The following ZNF142 variants were observed in gnomAD, a reference collection of about 807,000 sequenced individuals.
The protein encoded by ZNF142 is zinc finger protein 142 (clone pHZ-49).
ZNF142 carries 96 observed loss-of-function variants against 132.1 expected under a neutral mutation model. That is an observed-to-expected ratio of 0.73 (90% CI 0.62 to 0.86). The LOEUF is 0.86. ZNF142 is among the 40% of genes least tolerant of loss of function. The pLI, the probability that ZNF142 is intolerant of heterozygous loss-of-function variation, is 0.00. For missense variants in ZNF142, 2,163 were observed against 2,336.2 expected (o/e 0.93, Z 1.53); for synonymous variants, 842 against 890.1 (o/e 0.95, Z 0.96).
intron 8 of ZNF142, 79 bp downstream of exon 8, chr2:218,646,092 G>A: frequency 6.5e-7 from 1 of 1,549,114 alleles, no homozygotes; most frequent in Non-Finnish European, 8.8e-7. Context: ...AAGAAATAGG[G>A]CCAGAAGTTA....
chr2:218,652,428 G>T (rs1387973360), intron 4 of ZNF142, 128 bp from the exon 5 acceptor site: 3 of 400,012 alleles, frequency 7.5e-6, no homozygotes, highest in Non-Finnish European at 1.5e-5. Context: ...CTTTAAGTCT[G>T]GTCCTACACC....
At chr2:218,647,562 T>C (rs1298988520) in intron 7 of ZNF142, among the ~76,000 whole-genome samples, 19 of 152,164 alleles carry the variant, frequency 1.2e-4, no homozygotes, top group East Asian at 5.8e-4. Flanking sequence ...TAAATCCTAG[T>C]TGACTACCAT....
Position 218,638,784 on chromosome 2 carries a change from T to G in ZNF142, c.5219A>C (p.Glu1740Ala), listed in dbSNP as rs1413626930. 6.2e-7 allele frequency: 1 copy of G among 1,604,280 alleles called. No homozygotes were observed. Among genetic ancestry groups the G allele is most frequent in the Admixed American group, 1.7e-5 (1 of 59,920 alleles). ...HTGLKPYQCP[E>A]CEYCTNRADA... The stretch of plus-strand genomic sequence containing the variant: ...AGCCCGGTTGGTGCAGTACTCACAC[T>G]CGGGACACTGGTATGGCTTCAGTCC... The change falls in exon 11 of 11, where the codon GAG (glutamate) becomes GCG (alanine). Residue 1740 changes from glutamate (E) to alanine (A), a missense_variant. By Grantham distance (107) the Glu-to-Ala change is moderately radical. Around this residue, in one of 7 missense-constraint regions of ZNF142, gnomAD observed 325 missense variants for 367.8 expected, o/e 0.88. Transcript: ENST00000411696.
chr2:218,639,914 G>A (rs1325770797), intron 10 of ZNF142, among the ~76,000 whole-genome samples: 1 of 150,866 alleles, frequency 6.6e-6, no homozygotes, highest in East Asian at 1.9e-4. Flanking sequence ...AACTTAGCCG[G>A]GCGTGGTGGC....
rs775096336 is a variant in ZNF142, at chr2:218,636,342, G to A, written c.*1997C>T. The stretch of plus-strand genomic sequence containing the variant: ...GTAATGGATTATGACTGGAAATCCC[G>A]AAATGACTTTATTGGTCAGTACACC... On this transcript the variant is annotated 3_prime_UTR_variant, in exon 11 of 11. Transcript: ENST00000411696. The A allele has an allele frequency of 3.7e-6, 6 of 1,614,002 alleles. No individual in the cohort carries two copies. Among genetic ancestry groups the A allele is most frequent in the East Asian group, 2.2e-5 (1 of 44,884 alleles).
intron 5 of ZNF142, among the ~76,000 whole-genome samples, chr2:218,650,908 T>C (rs1305250993): frequency 6.6e-6 from 1 of 152,172 alleles, no homozygotes; most frequent in Non-Finnish European, 1.5e-5. Context: ...TGCTCTCTCA[T>C]GCTTTTTTGG....
At position 218,650,513 on chromosome 2, in the gene ZNF142, A is replaced by T; in HGVS notation, c.894T>A (p.Pro298=). 2.5e-6 allele frequency: 4 copies of T among 1,589,382 alleles called. No homozygotes were observed. The highest frequency in any genetic ancestry group is 3.4e-6 in the Non-Finnish European group (4 of 1,168,414). ...CCTGTGAAGGTTCTCTCTCTCCTGG[A>T]GGCAGTTTGGGAGCTGGAGATACAT... ...SQELLPAPKL[P]PGEREPSQEA... is the part of the protein sequence containing the mutation. Residue 298 remains proline (P), a synonymous_variant, in exon 6 of 11, where the codon CCT becomes CCA. Transcript: ENST00000411696.
In ZNF142 at chr2:218,642,205, C is replaced by T; in HGVS notation, c.4911G>A (p.Leu1637=). The change falls in exon 9 of 11, where the codon CTG becomes CTA. Residue 1637 remains leucine, a synonymous_variant. Transcript: ENST00000411696. The surrounding 1 kb of genome is among the most constrained non-coding windows in gnomAD (Gnocchi z 4.6). The part of the protein sequence containing the change: ...PFCDFTCRHQ[L]VLDHHVKGHG... ...GCCCTTTCACATGGTGATCTAGTACCAGCTGATGGCGGCATGTGAAGTCAC... is the reference window on the plus strand; with the variant it reads ...GCCCTTTCACATGGTGATCTAGTACTAGCTGATGGCGGCATGTGAAGTCAC... 1 of 1,614,192 alleles carries T rather than the reference C, an allele frequency of 6.2e-7. No homozygotes were observed. Among genetic ancestry groups the T allele is most frequent in the East Asian group, 2.2e-5 (1 of 44,888 alleles).
At position 218,643,352 on chromosome 2, in the gene ZNF142, C is replaced by T. The variant is rs1445526685; in HGVS notation, c.3764G>A (p.Gly1255Glu). 1 of 1,614,210 alleles carries T rather than the reference C, an allele frequency of 6.2e-7. No individual in the cohort carries two copies. The highest frequency in any genetic ancestry group is 1.1e-5 in the South Asian group (1 of 91,076). Residue 1255 changes from glycine (G) to glutamate (E), a missense_variant, in exon 9 of 11, where the codon GGG becomes GAG. Transcript: ENST00000411696. ...VAEGCRGGRG[G>E]GGKRGTPQTQ... ...CTGGGGGGTCCCTCGTTTTCCTCCC[C>T]CGCCACGTCCCCCCCTGCAGCCTTC...
Position 218,642,782 on chromosome 2 carries a change from A to T in ZNF142, c.4334T>A (p.Leu1445Ter). The part of the protein sequence containing the change: ...QTFGTNSKLR[L>*]HRLRVHDKTP... ...TTTGTCATGTACCCTTAACCGGTGC[A>T]AGCGCAGTTTCGAGTTGGTACCAAA... Residue 1445 changes from leucine (L) to a stop codon, truncating the protein, a stop_gained, in exon 9 of 11, where the codon TTG (leucine) becomes TAG (stop). Coordinates refer to ENST00000411696, the MANE Select transcript of ZNF142 (RefSeq NM_001379659.1). LOFTEE classifies it high-confidence loss of function. This position sits in a 1 kb window ranked among gnomAD's most constrained non-coding sequence, Gnocchi z 4.6. 1 of 1,614,194 alleles carries T rather than the reference A, an allele frequency of 6.2e-7. No individual in the cohort carries two copies. Among genetic ancestry groups the T allele is most frequent in the Non-Finnish European group, 8.5e-7 (1 of 1,180,044 alleles).
chr2:218,640,085 AAAAAG>A, intron 10 of ZNF142, among the ~76,000 whole-genome samples: 1 of 150,162 alleles, frequency 6.7e-6, no homozygotes, highest in Non-Finnish European at 1.5e-5. Flanking sequence ...AAAAAAAAAA[AAAAAG>A]AAATACTTAG....
rs1337527779 is a variant in ZNF142, at chr2:218,636,620, G to A, written c.*1719C>T. ...AAGGGTTGGTGTGCTGGCTTTAGAC[G>A]GGGAGAAACATCTGGAAGGATGCTC... On this transcript the variant is annotated 3_prime_UTR_variant, in exon 11 of 11. Transcript: ENST00000411696. 3.8e-6 allele frequency: 6 copies of A among 1,569,268 alleles called. No individual in the cohort carries two copies. The African/African-American group carries it at 4.1e-5, about 11-fold the overall frequency.
Position 218,638,805 on chromosome 2 carries a change from A to C in ZNF142, c.5198T>G (p.Leu1733Arg). 1 of 1,594,996 alleles carries C rather than the reference A, an allele frequency of 6.3e-7. No homozygotes were observed. The highest frequency in any genetic ancestry group is 8.5e-7 in the Non-Finnish European group (1 of 1,175,602). ...LKYHMTKHTGLKPYQCPECEY... is the reference protein window; with the variant it reads ...LKYHMTKHTGRKPYQCPECEY... The stretch of plus-strand genomic sequence containing the variant: ...ACACTCGGGACACTGGTATGGCTTC[A>C]GTCCTACAGGACAGGGAACAAATCA... Residue 1733 changes from leucine (L) to arginine (R), a missense_variant, in exon 11 of 11, where the codon CTG (leucine) becomes CGG (arginine). By Grantham distance (102) the Leu-to-Arg change is moderately radical. Coordinates refer to ENST00000411696, the MANE Select transcript of ZNF142 (RefSeq NM_001379659.1).
rs933540875 is a variant in ZNF142 at position 218,633,616 on chromosome 2, C to T, written c.*4723G>A. On this transcript the variant is annotated 3_prime_UTR_variant, in exon 11 of 11. Transcript: ENST00000411696. ...TCCACCTTCTCCAGAAATCCAAGCCCATCTTGTGTCCAGCCCTCTCTTCCC... is the reference window on the plus strand; with the variant it reads ...TCCACCTTCTCCAGAAATCCAAGCCTATCTTGTGTCCAGCCCTCTCTTCCC... 2.5e-5 allele frequency: 41 copies of T among 1,613,574 alleles called. No individual in the cohort carries two copies. Among genetic ancestry groups the T allele is most frequent in the Non-Finnish European group, 3.5e-5 (41 of 1,179,522 alleles).
chr2:218,640,943 T>A (rs1697131373), intron 9 of ZNF142, among the ~76,000 whole-genome samples, 174 bp from the exon 10 acceptor site: 1 of 151,808 alleles, frequency 6.6e-6, no homozygotes, highest in Admixed American at 6.6e-5. Flanking sequence ...TTTTTTTTTT[T>A]TTTTTTAAAG....
Position 218,635,684 on chromosome 2 carries a change from C to T in ZNF142, c.*2655G>A, listed in dbSNP as rs1256042643. ...GAATACTAGAAGAAAATATATTACC[C>T]ATGGAGGATGTTTTACAAACCAAAA... On this transcript the variant is annotated 3_prime_UTR_variant, in exon 11 of 11. Coordinates refer to ENST00000411696, the MANE Select transcript of ZNF142 (RefSeq NM_001379659.1). 5.8e-6 allele frequency: 8 copies of T among 1,372,452 alleles called. No homozygotes were observed. The highest frequency in any genetic ancestry group is 7.8e-6 in the Non-Finnish European group (8 of 1,022,072). 85.0% of individuals were successfully genotyped at this position (1,372,452 alleles called of 1,614,324 possible).
chr2:218,646,691 T>G (rs1364889365), intron 7 of ZNF142, among the ~76,000 whole-genome samples: 1 of 152,092 alleles, frequency 6.6e-6, no homozygotes, highest in African/African-American at 2.4e-5. Context: ...TTCAAGCAAT[T>G]CTTGTGCCTT....
Position 218,649,428 on chromosome 2 carries a change from G to A in ZNF142, c.1080C>T (p.Phe360=). The change falls in exon 7 of 11, where the codon TTC becomes TTT. Residue 360 remains phenylalanine, a synonymous_variant. Coordinates refer to ENST00000411696, the MANE Select transcript of ZNF142 (RefSeq NM_001379659.1). The part of the protein sequence containing the change: ...GDVVSGTESL[F]KTHMCPECKR... Reference sequence around the variant, plus strand: ...TACACTCTGGACACATATGGGTCTTGAAGAGGGACTCGGTGCCAGAGACCA... The same window carrying A: ...TACACTCTGGACACATATGGGTCTTAAAGAGGGACTCGGTGCCAGAGACCA... 6.2e-7 allele frequency: 1 copy of A among 1,608,582 alleles called. No individual in the cohort carries two copies. The highest frequency in any genetic ancestry group is 8.5e-7 in the Non-Finnish European group (1 of 1,176,896).
At chr2:218,657,611 G>A (rs1938632236) in intron 3 of ZNF142, among the ~76,000 whole-genome samples, 1 of 152,006 alleles carries the variant, frequency 6.6e-6, no homozygotes, top group Non-Finnish European at 1.5e-5. Flanking sequence ...TGTATTTTTA[G>A]TAGAGATGGG....
Sources: gnomAD v4.1 joint callset for allele counts (sites outside exome capture counted in the v4.1 genomes callset) on GRCh38, gnomAD v4.1.1 for gene constraint, gnomAD v4.1.1 regional missense constraint, Gnocchi (gnomAD v3.1) non-coding constraint, MANE v1.5 for transcripts, NCBI Gene and HGNC (gene_info 2026-07-23, HGNC 2026-07-21) for gene names.